The following CPEB4 variants were observed in gnomAD, a reference collection of about 807,000 sequenced individuals.
CPEB4 encodes the protein cytoplasmic polyadenylation element-binding protein 4.
CPEB4 carries 12 observed loss-of-function variants against 72.5 expected under a neutral mutation model. The observed-to-expected ratio is 0.17, with a 90% CI of 0.11 to 0.27. The LOEUF (loss-of-function observed/expected upper bound fraction) is 0.27, where lower values mean the gene tolerates loss of function less well. CPEB4 is among the 10% of genes least tolerant of loss of function. CPEB4 has a pLI of 1.00. For missense variants in CPEB4, 614 were observed against 908.5 expected, an observed-to-expected ratio of 0.68 and a Z score of 4.17; for synonymous variants, 302 against 326.3, an observed-to-expected ratio of 0.93 and a Z score of 0.80.
At chr5:173,947,987 C>A (rs1561631444) in intron 5 of CPEB4, among the ~76,000 whole-genome samples, 1 of 152,014 alleles carries the variant, frequency 6.6e-6, no homozygotes, top group Admixed American at 6.6e-5. Flanking sequence ...GCCTCCCACG[C>A]CTAAGGGACA....
chr5:173,899,821 G>A (rs1263283182), intron 1 of CPEB4, among the ~76,000 whole-genome samples: 1 of 152,136 alleles, frequency 6.6e-6, no homozygotes, highest in Admixed American at 6.5e-5. Flanking sequence ...CTTGCTTTCA[G>A]TGCACAAATG....
intron 2 of CPEB4, among the ~76,000 whole-genome samples, chr5:173,919,462 AAATT>A (rs1041528920): frequency 1.3e-5 from 2 of 152,246 alleles, no homozygotes; most frequent in African/African-American, 2.4e-5. Flanking sequence ...TGCCACATCT[AAATT>A]AATAGAGTGT....
At chr5:173,917,863 T>C (rs533087316) in intron 2 of CPEB4, among the ~76,000 whole-genome samples, 1 of 152,380 alleles carries the variant, frequency 6.6e-6, no homozygotes, top group East Asian at 1.9e-4. Flanking sequence ...GATCTTTAAA[T>C]ATCATTAAGT....
At chr5:173,925,085 CAG>C (rs150952648) in intron 2 of CPEB4, among the ~76,000 whole-genome samples, 4 of 151,376 alleles carry the variant, frequency 2.6e-5, no homozygotes, top group African/African-American at 7.3e-5. Context: ...CATTGAGGGG[CAG>C]AGAGAGAGAG....
intron 2 of CPEB4, among the ~76,000 whole-genome samples, chr5:173,914,754 G>A (rs1192027574): frequency 3.9e-5 from 6 of 151,950 alleles, no homozygotes; most frequent in Non-Finnish European, 2.9e-5. Flanking sequence ...GAGAGACTCC[G>A]TCACAAAAAG....
intron 2 of CPEB4, among the ~76,000 whole-genome samples, chr5:173,930,794 C>G (rs1757418065): frequency 6.6e-6 from 1 of 151,904 alleles, no homozygotes; most frequent in Admixed American, 6.6e-5. Flanking sequence ...TGAGACCATC[C>G]TGGCTAACAC....
At chr5:173,931,644 A>G (rs534689768) in intron 2 of CPEB4, among the ~76,000 whole-genome samples, 125 of 152,296 alleles carry the variant, frequency 8.2e-4, no homozygotes, top group Admixed American at 1.7e-3. Context: ...CTAGGTCCAT[A>G]TGTGTACTCA....
chr5:173,940,694 T>A (rs1757807486), intron 3 of CPEB4, among the ~76,000 whole-genome samples: 1 of 152,224 alleles, frequency 6.6e-6, no homozygotes, highest in South Asian at 2.1e-4. Context: ...AGTATTACAA[T>A]AAGTGGAAAT....
intron 2 of CPEB4, among the ~76,000 whole-genome samples, chr5:173,912,173 C>T (rs1406426411): frequency 6.6e-6 from 1 of 152,162 alleles, no homozygotes; most frequent in Non-Finnish European, 1.5e-5. Context: ...TGATCTCCCA[C>T]TCAGAATTGG....
At chr5:173,928,792 T>C (rs1757338425) in intron 2 of CPEB4, among the ~76,000 whole-genome samples, 1 of 152,184 alleles carries the variant, frequency 6.6e-6, no homozygotes, top group Admixed American at 6.5e-5. Flanking sequence ...AGAAAGGAAA[T>C]GATATGTGTT....
intron 4 of CPEB4, among the ~76,000 whole-genome samples, chr5:173,943,350 T>C (rs1001935862): frequency 2.0e-5 from 3 of 152,182 alleles, no homozygotes; most frequent in Non-Finnish European, 4.4e-5. Context: ...AAGGAATTTC[T>C]TAGAAAAAAA....
rs772735252 is a variant in CPEB4, at chr5:173,890,157, G to A, written c.424G>A (p.Gly142Arg). Reference protein sequence around the residue: ...KIRIESPVLTGFDYQEATGLG... With the variant: ...KIRIESPVLTRFDYQEATGLG... ...AAGGATCGAATCTCCAGTGTTGACAGGGTTTGATTATCAAGAAGCCACTGG... is the reference window on the plus strand; with the variant it reads ...AAGGATCGAATCTCCAGTGTTGACAAGGTTTGATTATCAAGAAGCCACTGG... Residue 142 changes from glycine (G) to arginine (R), a missense_variant, in exon 1 of 10, where the codon GGG (glycine) becomes AGG (arginine). By Grantham distance (125) the Gly-to-Arg change is moderately radical (BLOSUM62 -2). Transcript: ENST00000265085. 3 of 1,614,136 alleles carry A rather than the reference G, an allele frequency of 1.9e-6. No individual in the cohort carries two copies. Among genetic ancestry groups the A allele is most frequent in the South Asian group, 1.1e-5 (1 of 91,082 alleles).
intron 1 of CPEB4, among the ~76,000 whole-genome samples, chr5:173,902,951 C>T (rs1343241637): frequency 2.6e-5 from 4 of 151,128 alleles, no homozygotes; most frequent in Non-Finnish European, 4.4e-5. Context: ...TTAGCATATC[C>T]TTTGTTTAGA....
At position 173,890,781 on chromosome 5, in the gene CPEB4, C is replaced by T. The variant is rs1755784702; in HGVS notation, c.1048C>T (p.Arg350Cys). Residue 350 changes from arginine to cysteine, a missense_variant, in exon 1 of 10, where the codon CGC becomes TGC. Coordinates refer to ENST00000265085, the MANE Select transcript of CPEB4 (RefSeq NM_030627.4). ...SNHIQLQKYA[R>C]PSSAFAPKSW... is the part of the protein sequence containing the mutation. The stretch of plus-strand genomic sequence containing the variant: ...TCATATTCAGCTCCAGAAGTATGCT[C>T]GCCCCAGCTCTGCCTTTGCACCTAA... 5 of 1,614,064 alleles carry T rather than the reference C, an allele frequency of 3.1e-6. No homozygotes were observed. The highest frequency in any genetic ancestry group is 4.2e-6 in the Non-Finnish European group (5 of 1,180,038).
At chr5:173,924,122 C>G (rs1341835072) in intron 2 of CPEB4, among the ~76,000 whole-genome samples, 2 of 152,162 alleles carry the variant, frequency 1.3e-5, no homozygotes, top group Non-Finnish European at 2.9e-5. Flanking sequence ...CCATTGACCT[C>G]TCCCATCTTA....
intron 1 of CPEB4, chr5:173,891,231 A>G (rs1045858352): frequency 6.5e-6 from 1 of 154,492 alleles, no homozygotes; most frequent in Non-Finnish European, 1.4e-5. Flanking sequence ...AAACTATTGA[A>G]TGTTTTCTGA....
chr5:173,951,932 C>T lies in CPEB4; in HGVS notation c.1774C>T (p.Arg592Ter), dbSNP rs1412208413. 1 of 1,603,010 alleles carries T rather than the reference C, an allele frequency of 6.2e-7. No homozygotes were observed. Among genetic ancestry groups the T allele is most frequent in the South Asian group, 1.1e-5 (1 of 90,826 alleles). Residue 592 changes from arginine to a stop codon, truncating the protein, a stop_gained, in exon 8 of 10, where the codon CGA becomes TGA. Transcript: ENST00000265085. LOFTEE classifies it high-confidence loss of function. ...IFVGGVPRPL[R>*]AVELAMIMDR... The stretch of plus-strand genomic sequence containing the variant: ...TGTTGGTGGTGTTCCTCGACCATTA[C>T]GAGCTGGTATGATTAAACAAACGAC...
At position 173,961,412 on chromosome 5, in the gene CPEB4, A is replaced by AT. The variant is rs1486009729; in HGVS notation, c.*5276dup. 3.9e-5 allele frequency: 6 copies of AT among 152,260 alleles called. No homozygotes were observed. Among genetic ancestry groups the AT allele is most frequent in the African/African-American group, 1.4e-4 (6 of 41,470 alleles). The allele number at this position is 152,260 out of a possible 1,614,324, so 9.4% of individuals were successfully genotyped here. On this transcript the variant is annotated 3_prime_UTR_variant, in exon 10 of 10. Coordinates refer to ENST00000265085, the MANE Select transcript of CPEB4 (RefSeq NM_030627.4). ...GTAAGTGAGATATCAATGATATGTG[A>AT]TATAACAACTCTATCTTGAAATTAC...
chr5:173,927,829 A>G (rs1757302405), intron 2 of CPEB4, among the ~76,000 whole-genome samples: 2 of 152,218 alleles, frequency 1.3e-5, no homozygotes, highest in Admixed American at 6.5e-5. Context: ...ATGCCTACGC[A>G]AAAGCCTGCG....
Sources: allele counts gnomAD v4.1 joint callset (sites outside exome capture counted in the v4.1 genomes callset), GRCh38; gene constraint gnomAD v4.1.1; transcripts MANE v1.5; gene names NCBI Gene and HGNC (gene_info 2026-07-23, HGNC 2026-07-21).